The following RELCH variants were observed in gnomAD, a reference collection of about 807,000 sequenced individuals.
RELCH encodes RAB11-binding protein RELCH.
RELCH carries 41 observed loss-of-function variants against 150.3 expected under a neutral mutation model. The observed-to-expected ratio is 0.27, with a 90% CI of 0.21 to 0.35. RELCH has a LOEUF of 0.35. RELCH is among the 10% of genes least tolerant of loss of function. RELCH has a pLI of 1.00. For missense variants in RELCH, 1,092 were observed against 1,467.8 expected (o/e 0.74, Z 4.18); for synonymous variants, 478 against 531.8 (o/e 0.90, Z 1.39).
intron 8 of RELCH, among the ~76,000 whole-genome samples, chr18:62,229,440 A>G (rs9967371): frequency 0.012 from 1,764 of 151,930 alleles, 27 homozygotes; most frequent in East Asian, 0.052. Flanking sequence ...TTATTTAAAT[A>G]AAGCTTTCCA....
intron 1 of RELCH, among the ~76,000 whole-genome samples, chr18:62,201,480 C>T (rs2039441563): frequency 6.6e-6 from 1 of 151,084 alleles, no homozygotes; most frequent in Non-Finnish European, 1.5e-5. Flanking sequence ...ATTTTTTTTC[C>T]ATTTAATTGT....
At chr18:62,200,105 G>A (rs1462879961) in intron 1 of RELCH, among the ~76,000 whole-genome samples, 1 of 152,160 alleles carries the variant, frequency 6.6e-6, no homozygotes, top group Admixed American at 6.5e-5. Context: ...CTTCCCAAGT[G>A]TAAATCTTGA....
In RELCH at chr18:62,251,901, C is replaced by T. The variant is rs2042723673; in HGVS notation, c.1734-763C>T. On this transcript the variant is annotated intron_variant, in intron 11 of 28. Coordinates refer to ENST00000644646, the MANE Select transcript of RELCH (RefSeq NM_001346231.2). ...ACAGAAATCCCTTCACAACATCTGT[C>T]ACAGATGGTGTTGTCACTGCTGGAG... 3.9e-5 allele frequency among the ~76,000 whole-genome samples: 6 copies of T among 152,130 alleles called. No individual in the cohort carries two copies. The South Asian group carries it at 1.3e-3, about 32-fold the overall frequency.
chr18:62,292,019 T>A (rs1168703638), intron 27 of RELCH, among the ~76,000 whole-genome samples: 1 of 152,204 alleles, frequency 6.6e-6, no homozygotes, highest in Non-Finnish European at 1.5e-5. Flanking sequence ...TCCCCTCGTT[T>A]CCTCCAAATC....
At position 62,298,837 on chromosome 18, in the gene RELCH, C is replaced by T; in HGVS notation, c.3507C>T (p.Asn1169=). 1 of 1,583,152 alleles carries T rather than the reference C, an allele frequency of 6.3e-7. No homozygotes were observed. The highest frequency in any genetic ancestry group is 2.2e-5 in the East Asian group (1 of 44,584). The change falls in exon 28 of 29, where the codon AAC becomes AAT. Residue 1169 remains asparagine, a synonymous_variant. Transcript: ENST00000644646. Reference sequence around the variant, plus strand: ...AAGAATGTGAACAAAAAGTTGAAAACAAGACCGTCCAAGAGCCTCAAGGGT... The same window carrying T: ...AAGAATGTGAACAAAAAGTTGAAAATAAGACCGTCCAAGAGCCTCAAGGGT... ...MIKECEQKVE[N]KTVQEPQGSM... is the part of the protein sequence containing the mutation.
At chr18:62,208,023 G>A (rs2039920082) in intron 1 of RELCH, among the ~76,000 whole-genome samples, 1 of 152,192 alleles carries the variant, frequency 6.6e-6, no homozygotes, top group Non-Finnish European at 1.5e-5. Context: ...GAAGAGTGAT[G>A]TATGAGGGTT....
intron 9 of RELCH, among the ~76,000 whole-genome samples, 154 bp from the exon 10 acceptor site, chr18:62,232,178 C>T (rs534146831): frequency 0.047 from 7,003 of 149,772 alleles, 194 homozygotes; most frequent in Middle Eastern, 0.075. Flanking sequence ...GCTGCTGCTG[C>T]TGTTGTTGTT....
intron 14 of RELCH, 67 bp downstream of exon 14, chr18:62,258,155 C>T: frequency 7.4e-7 from 1 of 1,345,488 alleles, no homozygotes; most frequent in Non-Finnish European, 1.0e-6. Context: ...TATTCCAAAT[C>T]TCTGATTTAG....
At position 62,307,480 on chromosome 18, in the gene RELCH, G is replaced by A. The variant is rs1041626295; in HGVS notation, c.*1946G>A. ...AATGTTTTTTTAAAGGCAATAGTAG[G>A]CAAGATTCACAGTGTATTTCAAGTG... On this transcript the variant is annotated 3_prime_UTR_variant, in exon 29 of 29. Transcript: ENST00000644646. The A allele has an allele frequency of 1.3e-5, 2 of 152,000 alleles. No homozygotes were observed. The highest frequency in any genetic ancestry group is 4.8e-5 in the African/African-American group (2 of 41,398). The allele number at this position is 152,000 out of a possible 1,614,324, so 9.4% of individuals were successfully genotyped here.
At chr18:62,254,805 C>A (rs1757792861) in intron 12 of RELCH, 2 of 152,142 alleles carry the variant, frequency 1.3e-5, no homozygotes, top group Admixed American at 1.3e-4. Flanking sequence ...CATATGGGAA[C>A]AAAACCCAGT....
rs2040849527 is a variant in RELCH at position 62,221,203 on chromosome 18, TG to T, written c.689-15del. 6.2e-7 allele frequency: 1 copy of T among 1,604,876 alleles called. No individual in the cohort carries two copies. Among genetic ancestry groups the T allele is most frequent in the Non-Finnish European group, 8.5e-7 (1 of 1,172,360 alleles). On this transcript the variant is annotated splice_polypyrimidine_tract_variant and intron_variant, in intron 3 of 28. Coordinates refer to ENST00000644646, the MANE Select transcript of RELCH (RefSeq NM_001346231.2). ...ATGTAAAATAGTAAAATAGTACTTA[TG>T]TTTTTTTCCACCAGAACATGAAGTT...
intron 2 of RELCH, among the ~76,000 whole-genome samples, chr18:62,217,646 T>C (rs2040568917): frequency 6.6e-6 from 1 of 151,986 alleles, no homozygotes; most frequent in South Asian, 2.1e-4. Context: ...AGGAGATAAC[T>C]GGGTAGGTCG....
intron 11 of RELCH, among the ~76,000 whole-genome samples, chr18:62,248,985 T>C (rs1039822671): frequency 1.3e-5 from 2 of 152,216 alleles, no homozygotes; most frequent in Non-Finnish European, 2.9e-5. Context: ...CAAAGCATCC[T>C]GGATGGGTGG....
intron 2 of RELCH, among the ~76,000 whole-genome samples, chr18:62,219,924 T>A (rs949515424): frequency 6.6e-6 from 1 of 152,030 alleles, no homozygotes; most frequent in Admixed American, 6.6e-5. Flanking sequence ...TAGGAAAAAA[T>A]TGCATCTTTA....
chr18:62,276,600 T>C (rs2044221950), intron 22 of RELCH, among the ~76,000 whole-genome samples: 1 of 152,152 alleles, frequency 6.6e-6, no homozygotes. Context: ...AATTCAAATC[T>C]TGCCGAATAT....
At chr18:62,244,394 T>G (rs1166816440) in intron 10 of RELCH, among the ~76,000 whole-genome samples, 2 of 152,166 alleles carry the variant, frequency 1.3e-5, no homozygotes, top group African/African-American at 4.8e-5. Context: ...TTTTAAATTA[T>G]AGTGGACTTC....
chr18:62,217,293 T>G (rs1014123966), intron 2 of RELCH, among the ~76,000 whole-genome samples: 1 of 152,024 alleles, frequency 6.6e-6, no homozygotes, highest in Non-Finnish European at 1.5e-5. Context: ...AATCATGGTT[T>G]TCTGTATGAT....
chr18:62,255,787 A>G (rs1362555953), intron 13 of RELCH, among the ~76,000 whole-genome samples: 2 of 152,230 alleles, frequency 1.3e-5, no homozygotes, highest in Non-Finnish European at 2.9e-5. Flanking sequence ...AACTGTTTTC[A>G]TAATAATAAG....
At chr18:62,299,566 A>G (rs2045574513) in intron 28 of RELCH, among the ~76,000 whole-genome samples, 2 of 152,186 alleles carry the variant, frequency 1.3e-5, no homozygotes, top group South Asian at 4.1e-4. Flanking sequence ...ACACGCATAT[A>G]TCTTTGATGT....
Sources: allele counts gnomAD v4.1 joint callset (sites outside exome capture counted in the v4.1 genomes callset), GRCh38; gene constraint gnomAD v4.1.1; transcripts MANE v1.5; gene names NCBI Gene and HGNC (gene_info 2026-07-23, HGNC 2026-07-21).